Variants in EYS observed in about 807,000 individuals in gnomAD.
EYS encodes EGF-like photoreceptor maintenance factor.
In EYS, 250 loss-of-function variants were observed where a neutral mutation model predicts 282.1. The observed-to-expected ratio is 0.89, with a 90% CI of 0.80 to 0.98. The LOEUF is 0.98. Among genes scored for constraint, EYS ranks in the 50% least tolerant of loss-of-function variants. The probability of loss-of-function intolerance (pLI) is 0.00; values close to 1 mark genes in which losing one functional copy is unlikely to be tolerated. For missense variants in EYS, 4,016 were observed against 3,709.0 expected, an observed-to-expected ratio of 1.08 and a Z score of -2.15; for synonymous variants, 1,355 against 1,282.9, an observed-to-expected ratio of 1.06 and a Z score of -1.20.
At chr6:64,070,400 G>T (rs1002509938) in intron 32 of EYS, among the ~76,000 whole-genome samples, 4 of 151,924 alleles carry the variant, frequency 2.6e-5, no homozygotes, top group Non-Finnish European at 4.4e-5. Context: ...GAAAATGTTA[G>T]AAAGCTCTCA....
At chr6:64,489,074 TAGAA>T (rs1274221781) in intron 26 of EYS, among the ~76,000 whole-genome samples, 1 of 150,948 alleles carries the variant, frequency 6.6e-6, no homozygotes, top group Non-Finnish European at 1.5e-5. Flanking sequence ...TGCTGTCTCA[TAGAA>T]AGACAAAAGA....
intron 1 of EYS, among the ~76,000 whole-genome samples, chr6:65,676,350 G>C (rs1036476013): frequency 6.6e-6 from 1 of 151,620 alleles, no homozygotes; most frequent in Non-Finnish European, 1.5e-5. Context: ...CAAAAAGAGA[G>C]AGTATTGAAA....
intron 8 of EYS, among the ~76,000 whole-genome samples, chr6:65,356,491 G>A (rs2150329889): frequency 6.6e-6 from 1 of 152,076 alleles, no homozygotes; most frequent in African/African-American, 2.4e-5. Flanking sequence ...CCTGCTCACA[G>A]GGGTGCTGTG....
At chr6:63,935,036 A>C (rs1765016230) in intron 35 of EYS, among the ~76,000 whole-genome samples, 1 of 152,236 alleles carries the variant, frequency 6.6e-6, no homozygotes, top group African/African-American at 2.4e-5. Context: ...CTACTTAATA[A>C]AATCCAAACT....
intron 1 of EYS, among the ~76,000 whole-genome samples, chr6:65,700,379 T>C (rs1769630519): frequency 2.0e-5 from 3 of 152,014 alleles, no homozygotes; most frequent in South Asian, 4.1e-4. Context: ...CTTTTGACAA[T>C]TGGGAAACAG....
intron 26 of EYS, among the ~76,000 whole-genome samples, chr6:64,575,716 A>G (rs1478549364): frequency 6.6e-6 from 1 of 152,160 alleles, no homozygotes; most frequent in Admixed American, 6.6e-5. Context: ...GGTATGGTAC[A>G]TAGTATTAAA....
In EYS at chr6:65,443,343, C is replaced by A. The variant is rs537960619; in HGVS notation, c.863-37976G>T. On this transcript the variant is annotated intron_variant, in intron 5 of 42. Transcript: ENST00000503581. ...ACATATATGCATACATGTATGTACA[C>A]ATATAGACATATATGCATACATGTA... 6.4e-4 allele frequency among the ~76,000 whole-genome samples: 73 copies of A among 114,142 alleles called. 5 individuals carry two copies. Among genetic ancestry groups the A allele is most frequent in the African/African-American group, 1.7e-3 (67 of 38,906 alleles). 74.9% of individuals were successfully genotyped at this position (114,142 alleles called of 152,430 possible). A position where few individuals can be genotyped will look rare whatever the true frequency, so the allele number is the denominator to read the frequency against.
In EYS at chr6:63,794,043, G is replaced by A. The variant is rs143932129; in HGVS notation, c.7412-4819C>T. The stretch of plus-strand genomic sequence containing the variant: ...ACACTGTCCATGCAGCAGAGAAGGA[G>A]AAACAAGTCTGACTGTGGTTGTGCC... On this transcript the variant is annotated intron_variant, in intron 37 of 42. Coordinates refer to ENST00000503581, the MANE Select transcript of EYS (RefSeq NM_001142800.2). Among the ~76,000 whole-genome samples the A allele has an allele frequency of 1.7e-3, 253 of 152,302 alleles. 2 individuals are homozygous for A. Among genetic ancestry groups the A allele is most frequent in the South Asian group, 9.3e-3 (45 of 4,820 alleles).
At chr6:64,979,664 A>G (rs531271122) in intron 14 of EYS, among the ~76,000 whole-genome samples, 11 of 151,732 alleles carry the variant, frequency 7.2e-5, no homozygotes, top group African/African-American at 2.7e-4. Flanking sequence ...GATAAGGGGA[A>G]TAAGTAAAAT....
intron 2 of EYS, among the ~76,000 whole-genome samples, chr6:65,553,021 G>A (rs1427142776): frequency 1.3e-5 from 2 of 152,104 alleles, no homozygotes; most frequent in African/African-American, 4.8e-5. Context: ...TTGGGAACAA[G>A]GTATTGGAGT....
chr6:65,180,965 C>T (rs1765365261), intron 12 of EYS, among the ~76,000 whole-genome samples: 1 of 152,070 alleles, frequency 6.6e-6, no homozygotes, highest in Admixed American at 6.6e-5. Context: ...GAAAGGATTC[C>T]CTATTTAATA....
intron 11 of EYS, chr6:65,330,621 A>G (rs1174756544): frequency 2.1e-6 from 2 of 951,704 alleles, no homozygotes; most frequent in African/African-American, 3.5e-5. Flanking sequence ...AATACACTTT[A>G]AAAGAAAATG....
intron 31 of EYS, among the ~76,000 whole-genome samples, chr6:64,104,363 T>G (rs551775929): frequency 1.3e-5 from 2 of 151,364 alleles, no homozygotes; most frequent in Non-Finnish European, 2.9e-5. Context: ...AGAGAGAGAG[T>G]GAGTGTGTGT....
intron 30 of EYS, among the ~76,000 whole-genome samples, chr6:64,297,355 A>G (rs548413093): frequency 1.6e-4 from 23 of 146,340 alleles, no homozygotes; most frequent in Admixed American, 4.2e-4. Context: ...AACTGCATAT[A>G]TGAGGAAAAT....
At chr6:64,118,799 A>G (rs1178384826) in intron 31 of EYS, among the ~76,000 whole-genome samples, 2 of 152,114 alleles carry the variant, frequency 1.3e-5, no homozygotes, top group Admixed American at 1.3e-4. Flanking sequence ...ACAAGGGGTA[A>G]TTATCCAGAA....
intron 35 of EYS, among the ~76,000 whole-genome samples, chr6:63,905,677 T>G (rs779404489): frequency 2.6e-5 from 4 of 152,226 alleles, no homozygotes; most frequent in African/African-American, 7.2e-5. Flanking sequence ...ACTCAAATAC[T>G]ATCAGCGGCA....
At chr6:64,580,820 T>C (rs933344947) in intron 26 of EYS, among the ~76,000 whole-genome samples, 7 of 151,852 alleles carry the variant, frequency 4.6e-5, no homozygotes, top group African/African-American at 1.5e-4. Context: ...AAAACTGGAG[T>C]TGTAATAAAC....
intron 12 of EYS, among the ~76,000 whole-genome samples, chr6:65,150,412 C>T (rs1234565254): frequency 6.6e-6 from 1 of 151,932 alleles, no homozygotes; most frequent in Non-Finnish European, 1.5e-5. Flanking sequence ...ACCAAGATAT[C>T]TATGCCCAAT....
intron 2 of EYS, among the ~76,000 whole-genome samples, chr6:65,524,912 G>A (rs1266489000): frequency 1.3e-5 from 2 of 152,116 alleles, no homozygotes; most frequent in Non-Finnish European, 2.9e-5. Context: ...GTCATGTGAG[G>A]GCCTCAGTGT....
Sources: allele counts gnomAD v4.1 joint callset (sites outside exome capture counted in the v4.1 genomes callset), GRCh38; gene constraint gnomAD v4.1.1; transcripts MANE v1.5; gene names NCBI Gene and HGNC (gene_info 2026-07-23, HGNC 2026-07-21).